KIF21A: variants seen among roughly 807,000 people sequenced by gnomAD.
KIF21A encodes the protein kinesin-like protein KIF21A.
KIF21A carries 114 observed loss-of-function variants against 202.9 expected under a neutral mutation model. That is an observed-to-expected ratio of 0.56 (90% CI 0.48 to 0.66). The LOEUF is 0.66. KIF21A is among the 30% of genes least tolerant of loss of function. The probability of loss-of-function intolerance (pLI) is 0.00; values close to 1 mark genes in which losing one functional copy is unlikely to be tolerated. For missense variants in KIF21A, 1,677 were observed against 1,994.9 expected, an observed-to-expected ratio of 0.84 and a Z score of 3.04; for synonymous variants, 667 against 670.8, an observed-to-expected ratio of 0.99 and a Z score of 0.09.
In KIF21A at chr12:39,324,224, A is replaced by G. The variant is rs1391595606; in HGVS notation, c.3457-1342T>C. Among the ~76,000 whole-genome samples, 3 of 152,282 alleles carry G rather than the reference A, an allele frequency of 2.0e-5. No individual in the cohort carries two copies. In the East Asian group the frequency reaches 5.8e-4, roughly 29 times the overall value. ...AGAGAAAGCCCTGTAGCCATTTTTT[A>G]TACTCTTAATTCTCTCCACAGCCAA... On this transcript the variant is annotated intron_variant, in intron 26 of 37. Transcript: ENST00000361418.
rs1348946004 is a variant in KIF21A, at chr12:39,294,497, C to G, written c.4952G>C (p.Trp1651Ser). The G allele has an allele frequency of 6.2e-7, 1 of 1,613,452 alleles. No individual in the cohort carries two copies. Among genetic ancestry groups the G allele is most frequent in the Non-Finnish European group, 8.5e-7 (1 of 1,179,638 alleles). The change falls in exon 38 of 38, where the codon TGG (tryptophan) becomes TCG (serine). Residue 1651 changes from tryptophan (W) to serine (S), a missense_variant. By Grantham distance (177) the Trp-to-Ser change is radical. This residue lies in a region of KIF21A where 705 missense variants were observed against 791.9 expected (regional missense o/e 0.89). Coordinates refer to ENST00000361418, the MANE Select transcript of KIF21A (RefSeq NM_001173464.2). ...ACCATCTTGCAAATTGCGAGCCTTC[C>G]AAATTCTCACAGTTCGATCACTACA... Reference protein sequence around the residue: ...TAADDRTVRIWKARNLQDGQI... With the variant: ...TAADDRTVRISKARNLQDGQI...
At chr12:39,312,735 T>A (rs1405996851) in intron 31 of KIF21A, 1 of 151,966 alleles carries the variant, frequency 6.6e-6, no homozygotes, top group Non-Finnish European at 1.5e-5. Context: ...TTTTTGTAGT[T>A]TCTGCTTTAT....
intron 1 of KIF21A, among the ~76,000 whole-genome samples, chr12:39,385,337 AG>A (rs536173434): frequency 6.6e-6 from 1 of 152,260 alleles, no homozygotes; most frequent in African/African-American, 2.4e-5. Context: ...TACCAATATC[AG>A]ATATCTTTTA....
intron 19 of KIF21A, 54 bp downstream of exon 19, chr12:39,332,839 A>G (rs1946627403): frequency 1.4e-5 from 23 of 1,605,536 alleles, no homozygotes; most frequent in Non-Finnish European, 2.0e-5. Flanking sequence ...TAAGTACAAC[A>G]TTCAGTATTA....
At chr12:39,357,520 C>A (rs1157276832) in intron 8 of KIF21A, 83 bp from the exon 9 acceptor site, 1 of 1,190,218 alleles carries the variant, frequency 8.4e-7, no homozygotes, top group African/African-American at 1.5e-5. Context: ...TATAACTATA[C>A]AATTCTCTAA....
chr12:39,301,591 A>T lies in KIF21A; in HGVS notation c.4820T>A (p.Ile1607Asn). 6.2e-7 allele frequency: 1 copy of T among 1,614,052 alleles called. No homozygotes were observed. The highest frequency in any genetic ancestry group is 8.5e-7 in the Non-Finnish European group (1 of 1,179,972). The change falls in exon 37 of 38, where the codon ATT (isoleucine) becomes AAT (asparagine). Residue 1607 changes from isoleucine (I) to asparagine (N), a missense_variant. Physicochemically the swap from Ile to Asn is moderately radical, Grantham distance 149. This residue lies in a region of KIF21A where 705 missense variants were observed against 791.9 expected (regional missense o/e 0.89). Transcript: ENST00000361418. The stretch of plus-strand genomic sequence containing the variant: ...AGTATCCATGTTCCAGACTTTCAAA[A>T]TGCCCCCTCTGCAGCCACTGAGCAA... ...PVLLSGCRGGILKVWNMDTFM... is the reference protein window; with the variant it reads ...PVLLSGCRGGNLKVWNMDTFM...
intron 33 of KIF21A, among the ~76,000 whole-genome samples, chr12:39,308,226 A>G (rs1331812096): frequency 6.6e-6 from 1 of 151,772 alleles, no homozygotes; most frequent in African/African-American, 2.4e-5. Context: ...AAATACTACT[A>G]AAAATACAAA....
At chr12:39,390,154 T>C (rs1157947693) in intron 1 of KIF21A, among the ~76,000 whole-genome samples, 1 of 151,996 alleles carries the variant, frequency 6.6e-6, no homozygotes, top group Non-Finnish European at 1.5e-5. Flanking sequence ...CTTAGGAAAA[T>C]GAGAGAAGTA....
intron 35 of KIF21A, among the ~76,000 whole-genome samples, chr12:39,303,635 T>A (rs962447344): frequency 2.2e-4 from 34 of 152,216 alleles, no homozygotes; most frequent in African/African-American, 8.0e-4. Context: ...GAAACCAGAT[T>A]TTTTTCATGT....
chr12:39,383,824 T>C (rs1950772803), intron 1 of KIF21A, among the ~76,000 whole-genome samples: 1 of 152,038 alleles, frequency 6.6e-6, no homozygotes, highest in East Asian at 1.9e-4. Flanking sequence ...TAACTGTAAT[T>C]AAAAATATAT....
intron 31 of KIF21A, among the ~76,000 whole-genome samples, chr12:39,313,489 A>C (rs993052688): frequency 1.3e-5 from 2 of 151,872 alleles, no homozygotes; most frequent in Non-Finnish European, 3.0e-5. Flanking sequence ...CTTTTAAATG[A>C]TATCCTTGTG....
At chr12:39,341,307 T>G (rs564255889) in intron 14 of KIF21A, among the ~76,000 whole-genome samples, 198 bp downstream of exon 14, 1 of 152,140 alleles carries the variant, frequency 6.6e-6, no homozygotes, top group South Asian at 2.1e-4. Flanking sequence ...TAGGTAAGAA[T>G]GGAAATCACA....
intron 11 of KIF21A, among the ~76,000 whole-genome samples, chr12:39,347,369 T>C (rs1947992274): frequency 6.6e-6 from 1 of 151,932 alleles, no homozygotes; most frequent in South Asian, 2.1e-4. Context: ...CTTGGGGATC[T>C]TTACTCAATG....
chr12:39,427,746 C>A (rs1194183298), intron 1 of KIF21A, among the ~76,000 whole-genome samples: 3 of 152,220 alleles, frequency 2.0e-5, no homozygotes, highest in Non-Finnish European at 4.4e-5. Flanking sequence ...GCAACCTCCA[C>A]TTCCTGGGTT....
At chr12:39,343,509 T>C (rs972966152) in intron 12 of KIF21A, among the ~76,000 whole-genome samples, 10 of 152,190 alleles carry the variant, frequency 6.6e-5, no homozygotes, top group African/African-American at 2.4e-4. Flanking sequence ...CATGTTTTCA[T>C]ATATTCTTCT....
chr12:39,424,530 AT>A (rs1954597113), intron 1 of KIF21A, among the ~76,000 whole-genome samples: 1 of 152,226 alleles, frequency 6.6e-6, no homozygotes, highest in Non-Finnish European at 1.5e-5. Context: ...TGACATCTTT[AT>A]TAGAATGTCC....
rs1327479235 is a variant in KIF21A, at chr12:39,294,176, C to T, written c.*248G>A. 5.1e-6 allele frequency: 2 copies of T among 394,152 alleles called. No homozygotes were observed. The highest frequency in any genetic ancestry group is 2.9e-5 in the South Asian group (1 of 33,974). The allele number at this position is 394,152 out of a possible 1,614,324, so 24.4% of individuals were successfully genotyped here. On this transcript the variant is annotated 3_prime_UTR_variant, in exon 38 of 38. Coordinates refer to ENST00000361418, the MANE Select transcript of KIF21A (RefSeq NM_001173464.2). ...ATAGATAGGCACAAAAATTCAGCCA[C>T]AATAAAAGTGTGAATAAAGCAATAT... is the stretch of plus-strand genomic sequence containing the variant.
At chr12:39,312,230 T>C (rs1487813964) in intron 31 of KIF21A, 4 of 151,936 alleles carry the variant, frequency 2.6e-5, no homozygotes, top group Non-Finnish European at 4.4e-5. Flanking sequence ...ACAACATAGA[T>C]AGAACTGGAG....
intron 1 of KIF21A, among the ~76,000 whole-genome samples, chr12:39,405,851 A>C (rs1368044266): frequency 6.6e-6 from 1 of 152,198 alleles, no homozygotes; most frequent in Non-Finnish European, 1.5e-5. Flanking sequence ...AAAAAAAAAT[A>C]TGCAATAAGA....
Sources: gnomAD v4.1 joint callset for allele counts (sites outside exome capture counted in the v4.1 genomes callset) on GRCh38, gnomAD v4.1.1 for gene constraint, gnomAD v4.1.1 regional missense constraint, MANE v1.5 for transcripts, NCBI Gene and HGNC (gene_info 2026-07-23, HGNC 2026-07-21) for gene names.